SLC52A2: variants seen among roughly 807,000 people sequenced by gnomAD.
The protein encoded by SLC52A2 is solute carrier family 52 member 2.
In SLC52A2, 16 loss-of-function variants were observed where a neutral mutation model predicts 24.8. The observed-to-expected ratio is 0.64, with a 90% CI of 0.44 to 0.98. The LOEUF is 0.98. Ranked by LOEUF, SLC52A2 falls within the 50% of genes least tolerant of loss-of-function variation. The probability of loss-of-function intolerance (pLI) is 0.00; values close to 1 mark genes in which losing one functional copy is unlikely to be tolerated. For missense variants in SLC52A2, 612 were observed against 575.9 expected, an observed-to-expected ratio of 1.06 and a Z score of -0.64; for synonymous variants, 335 against 276.3, an observed-to-expected ratio of 1.21 and a Z score of -2.11.
In SLC52A2 at chr8:144,359,005, C is replaced by A; in HGVS notation, c.-171C>A. 2.5e-6 allele frequency: 1 copy of A among 399,668 alleles called. No homozygotes were observed. The highest frequency in any genetic ancestry group is 4.2e-5 in the Admixed American group (1 of 24,030). 24.8% of individuals were successfully genotyped at this position (399,668 alleles called of 1,614,324 possible). A position where few individuals can be genotyped will look rare whatever the true frequency, so the allele number is the denominator to read the frequency against. The stretch of plus-strand genomic sequence containing the variant: ...TCCACTCGCTCCTTCGGCCTCCTCC[C>A]CTGGGGCCGCAGCGACTCGGGCCGG... On this transcript the variant is annotated 5_prime_UTR_variant, in exon 1 of 5. Transcript: ENST00000643944.
rs781903086 is a variant in SLC52A2, at chr8:144,359,868, T to G, written c.376T>G (p.Cys126Gly). The change falls in exon 3 of 5, where the codon TGT becomes GGT. Residue 126 changes from cysteine to glycine, a missense_variant. Transcript: ENST00000643944. ...GGCCTTTGTGCTGGCACTGGCATGC[T>G]GTGCCTCGAATGTCACTTTCCTGCC... ...ALAFVLALACCASNVTFLPFL... is the reference protein window; with the variant it reads ...ALAFVLALACGASNVTFLPFL... 2.7e-5 allele frequency: 44 copies of G among 1,613,680 alleles called. No homozygotes were observed. The highest frequency in any genetic ancestry group is 3.6e-5 in the Non-Finnish European group (42 of 1,180,024).
chr8:144,358,986 C>G lies in SLC52A2; in HGVS notation c.-190C>G. On this transcript the variant is annotated 5_prime_UTR_variant, in exon 1 of 5. Transcript: ENST00000643944. ...TCTCCCTGGAGAGGAGGGCTCCACT[C>G]GCTCCTTCGGCCTCCTCCCCTGGGG... The G allele has an allele frequency of 2.8e-6, 1 of 354,326 alleles. No individual in the cohort carries two copies. Among genetic ancestry groups the G allele is most frequent in the Non-Finnish European group, 5.2e-6 (1 of 193,100 alleles). The allele number at this position is 354,326 out of a possible 1,614,324, so 21.9% of individuals were successfully genotyped here. A position where few individuals can be genotyped will look rare whatever the true frequency, so the allele number is the denominator to read the frequency against.
chr8:144,359,469 G>C (rs548620518), intron 2 of SLC52A2, 46 bp downstream of exon 2: 5 of 1,613,668 alleles, frequency 3.1e-6, no homozygotes, highest in South Asian at 2.2e-5. Context: ...CCTGGGCTGC[G>C]GTCAGTGGGA....
chr8:144,360,861 C>T lies in SLC52A2; in HGVS notation c.1184C>T (p.Ser395Phe), dbSNP rs782725859. The change falls in exon 5 of 5, where the codon TCC (serine) becomes TTC (phenylalanine). Residue 395 changes from serine (S) to phenylalanine (F), a missense_variant. By Grantham distance (155) the Ser-to-Phe change is radical (BLOSUM62 -2). Coordinates refer to ENST00000643944, the MANE Select transcript of SLC52A2 (RefSeq NM_001363118.2). ...TCCTACGTGAAGGTGGCAGCCAGCT[C>T]CCTGCTGCATGGCGGGGGCCGGCCG... ...VFSYVKVAAS[S>F]LLHGGGRPAL... 2 of 1,613,282 alleles carry T rather than the reference C, an allele frequency of 1.2e-6. No individual in the cohort carries two copies. The highest frequency in any genetic ancestry group is 1.7e-6 in the Non-Finnish European group (2 of 1,179,884).
At position 144,360,399 on chromosome 8, in the gene SLC52A2, T is replaced by C; in HGVS notation, c.907T>C (p.Leu303=). The C allele has an allele frequency of 6.2e-7, 1 of 1,607,832 alleles. No individual in the cohort carries two copies. Among genetic ancestry groups the C allele is most frequent in the Non-Finnish European group, 8.5e-7 (1 of 1,179,986 alleles). The change falls in exon 3 of 5, where the codon TTA becomes CTA. Residue 303 remains leucine, a synonymous_variant. Coordinates refer to ENST00000643944, the MANE Select transcript of SLC52A2 (RefSeq NM_001363118.2). ...GCCTGCCGTGCAGAGCTTTTCCTGC[T>C]TACCCTACGGGCGTCTGGCCTACCA... ...VLPAVQSFSC[L]PYGRLAYHLA... is the part of the protein sequence containing the mutation.
chr8:144,359,859 C>T lies in SLC52A2; in HGVS notation c.367C>T (p.Leu123=), dbSNP rs1554853934. Reference sequence around the variant, plus strand: ...CTTAGCACTGGCCTTTGTGCTGGCACTGGCATGCTGTGCCTCGAATGTCAC... The same window carrying T: ...CTTAGCACTGGCCTTTGTGCTGGCATTGGCATGCTGTGCCTCGAATGTCAC... ...AFLALAFVLA[L]ACCASNVTFL... is the part of the protein sequence containing the mutation. Residue 123 remains leucine, a synonymous_variant, in exon 3 of 5, where the codon CTG becomes TTG. Transcript: ENST00000643944. 18 of 1,613,764 alleles carry T rather than the reference C, an allele frequency of 1.1e-5. No homozygotes were observed. Among genetic ancestry groups the T allele is most frequent in the Non-Finnish European group, 1.4e-5 (17 of 1,180,020 alleles).
rs1554854328 is a variant in SLC52A2 at position 144,360,446 on chromosome 8, T to C, written c.954T>C (p.Ser318=). ...LAYHLAVVLG[S]AANPLACFLA... is the part of the protein sequence containing the mutation. ...ACCACCTGGCTGTGGTGCTGGGCAG[T>C]GCTGCCAATCCCCTGGCCTGCTTCC... is the stretch of plus-strand genomic sequence containing the variant. Residue 318 remains serine (S), a synonymous_variant, in exon 3 of 5, where the codon AGT becomes AGC. Coordinates refer to ENST00000643944, the MANE Select transcript of SLC52A2 (RefSeq NM_001363118.2). 6.2e-7 allele frequency: 1 copy of C among 1,605,214 alleles called. No individual in the cohort carries two copies. The highest frequency in any genetic ancestry group is 8.5e-7 in the Non-Finnish European group (1 of 1,179,888).
chr8:144,359,948 C>T lies in SLC52A2; in HGVS notation c.456C>T (p.Gly152=), dbSNP rs371376526. The T allele has an allele frequency of 1.2e-5, 19 of 1,613,404 alleles. No homozygotes were observed. The highest frequency in any genetic ancestry group is 1.7e-5 in the Admixed American group (1 of 60,030). The change falls in exon 3 of 5, where the codon GGC becomes GGT. Residue 152 remains glycine (G), a synonymous_variant. Coordinates refer to ENST00000643944, the MANE Select transcript of SLC52A2 (RefSeq NM_001363118.2). ...RFLRSFFLGQ[G]LSALLPCVLA... The stretch of plus-strand genomic sequence containing the variant: ...TACGGTCATTCTTCCTGGGTCAAGG[C>T]CTGAGTGCCCTGCTGCCCTGCGTGC...
At position 144,360,908 on chromosome 8, in the gene SLC52A2, G is replaced by T. The variant is rs782417765; in HGVS notation, c.1231G>T (p.Ala411Ser). 1.9e-6 allele frequency: 3 copies of T among 1,613,268 alleles called. No individual in the cohort carries two copies. Among genetic ancestry groups the T allele is most frequent in the Non-Finnish European group, 2.5e-6 (3 of 1,179,974 alleles). The change falls in exon 5 of 5, where the codon GCC becomes TCC. Residue 411 changes from alanine (A) to serine (S), a missense_variant. Ala to Ser is a moderately conservative substitution (Grantham distance 99). Transcript: ENST00000643944. ...GCCGGCATTGCTGGCAGCCGGCGTG[G>T]CCATCCAGGTGGGCTCTCTGCTCGG... ...GRPALLAAGV[A>S]IQVGSLLGAV...
rs782498327 is a variant in SLC52A2 at position 144,359,830 on chromosome 8, CCTT to C, written c.342_344del (p.Phe114del). On this transcript the variant is annotated inframe_deletion, in exon 3 of 5. Transcript: ENST00000643944. Reference sequence around the variant, plus strand: ...GTGGCAGGACAGTTGCATTCTGTGGCCTTCTTAGCACTGGCCTTTGTGCTGGCA... The same window carrying C: ...GTGGCAGGACAGTTGCATTCTGTGGCCTTAGCACTGGCCTTTGTGCTGGCA... The C allele has an allele frequency of 1.5e-5, 25 of 1,613,674 alleles. No homozygotes were observed. Among genetic ancestry groups the C allele is most frequent in the Non-Finnish European group, 2.1e-5 (25 of 1,180,030 alleles).
Position 144,360,817 on chromosome 8 carries a change from G to A in SLC52A2, c.1140G>A (p.Val380=). ...AGVVLVVLSW[V]LCLGVFSYVK... ...GTCCCCCTCAGGTGCTGTCGTGGGTGCTGTGTCTTGGCGTGTTCTCCTACG... is the reference window on the plus strand; with the variant it reads ...GTCCCCCTCAGGTGCTGTCGTGGGTACTGTGTCTTGGCGTGTTCTCCTACG... Residue 380 remains valine, a synonymous_variant, in exon 5 of 5, where the codon GTG becomes GTA. Coordinates refer to ENST00000643944, the MANE Select transcript of SLC52A2 (RefSeq NM_001363118.2). 6.2e-7 allele frequency: 1 copy of A among 1,613,100 alleles called. No homozygotes were observed. Among genetic ancestry groups the A allele is most frequent in the Non-Finnish European group, 8.5e-7 (1 of 1,179,752 alleles).
chr8:144,359,202 TC>T lies in SLC52A2; in HGVS notation c.-89del, dbSNP rs1476605789. 1.7e-5 allele frequency: 26 copies of T among 1,519,092 alleles called. No homozygotes were observed. The highest frequency in any genetic ancestry group is 2.3e-5 in the Non-Finnish European group (26 of 1,135,958). The allele number at this position is 1,519,092 out of a possible 1,614,324, so 94.1% of individuals were successfully genotyped here. A position where few individuals can be genotyped will look rare whatever the true frequency, so the allele number is the denominator to read the frequency against. On this transcript the variant is annotated 5_prime_UTR_variant, in exon 2 of 5. Transcript: ENST00000643944. ...TTTCAAGCTAGAAGAAGTCTTCACT[TC>T]CCAGGAGAGCCAAAGCGTGTCTGGC...
intron 1 of SLC52A2, 41 bp from the exon 2 acceptor site, chr8:144,359,143 C>A: frequency 8.0e-7 from 1 of 1,256,304 alleles, no homozygotes; most frequent in Non-Finnish European, 1.1e-6. Context: ...CCTGTTCTGA[C>A]TCCGGCTCTG....
In SLC52A2 at chr8:144,359,622, G is replaced by A. The variant is rs782305211; in HGVS notation, c.131-1G>A. 4 of 1,611,350 alleles carry A rather than the reference G, an allele frequency of 2.5e-6. No homozygotes were observed. ...GACATGGCCTCCTCCCTTCCCTGCA[G>A]GTTGGAGCCTCCCCTCTTACGTCTC... On this transcript the variant is annotated splice_acceptor_variant, in intron 2 of 4. Coordinates refer to ENST00000643944, the MANE Select transcript of SLC52A2 (RefSeq NM_001363118.2). LOFTEE classifies it high-confidence loss of function.
chr8:144,358,585 C>G (rs113099131), upstream of SLC52A2: 6 of 1,134,586 alleles, frequency 5.3e-6, no homozygotes, highest in South Asian at 4.6e-5. Flanking sequence ...TGGGCCATGC[C>G]GGGGGCGGGC....
Position 144,358,831 on chromosome 8 carries a change from C to T in SLC52A2, c.-345C>T. The stretch of plus-strand genomic sequence containing the variant: ...CCGAGCAGAGCCGTCCCGGCCACTC[C>T]CCTGGGATCTGACTTGGCTCTTGCG... On this transcript the variant is annotated 5_prime_UTR_variant, in exon 1 of 5. Coordinates refer to ENST00000643944, the MANE Select transcript of SLC52A2 (RefSeq NM_001363118.2). 4.4e-6 allele frequency: 1 copy of T among 226,632 alleles called. No individual in the cohort carries two copies. The highest frequency in any genetic ancestry group is 5.6e-5 in the Admixed American group (1 of 17,734). 14.0% of individuals were successfully genotyped at this position (226,632 alleles called of 1,614,324 possible).
At position 144,359,288 on chromosome 8, in the gene SLC52A2, G is replaced by A. The variant is rs1399033347; in HGVS notation, c.-6G>A. Reference sequence around the variant, plus strand: ...CCTGACCTGGAAGGGCCCAGCCTTGGGCTGAATGGCAGCACCCACGCCCGC... The same window carrying A: ...CCTGACCTGGAAGGGCCCAGCCTTGAGCTGAATGGCAGCACCCACGCCCGC... On this transcript the variant is annotated 5_prime_UTR_variant, in exon 2 of 5. Transcript: ENST00000643944. The A allele has an allele frequency of 6.2e-7, 1 of 1,610,120 alleles. No homozygotes were observed. The highest frequency in any genetic ancestry group is 1.7e-5 in the Admixed American group (1 of 59,820).
chr8:144,359,103 C>T, intron 1 of SLC52A2, 38 bp downstream of exon 1: 1 of 848,164 alleles, frequency 1.2e-6, no homozygotes, highest in Non-Finnish European at 1.7e-6. Flanking sequence ...GCGCTCCTGC[C>T]CGGGGCTCCC....
At position 144,358,778 on chromosome 8, in the gene SLC52A2, C is replaced by T. The variant is rs1015353494; in HGVS notation, c.-398C>T. On this transcript the variant is annotated 5_prime_UTR_variant, in exon 1 of 5. Coordinates refer to ENST00000643944, the MANE Select transcript of SLC52A2 (RefSeq NM_001363118.2). ...ACCGGACGGCTCCCGAGTCGCCCAC[C>T]TGACGGTACCGAGAGGGCGGCGCCC... 4 of 271,896 alleles carry T rather than the reference C, an allele frequency of 1.5e-5. No homozygotes were observed. Among genetic ancestry groups the T allele is most frequent in the Admixed American group, 1.1e-4 (2 of 18,598 alleles). 16.8% of individuals were successfully genotyped at this position (271,896 alleles called of 1,614,324 possible). A position where few individuals can be genotyped will look rare whatever the true frequency, so the allele number is the denominator to read the frequency against.
Sources: allele counts gnomAD v4.1 joint callset, GRCh38; gene constraint gnomAD v4.1.1; transcripts MANE v1.5; gene names NCBI Gene and HGNC (gene_info 2026-07-23, HGNC 2026-07-21).